The following GRB14 variants were observed in gnomAD, a reference collection of about 807,000 sequenced individuals.
The protein encoded by GRB14 is growth factor receptor-bound protein 14.
Under a neutral mutation model 69.1 loss-of-function variants are expected in GRB14, and 38 were observed. That is an observed-to-expected ratio of 0.55 (90% CI 0.42 to 0.72). The LOEUF is 0.72. GRB14 is among the 30% of genes least tolerant of loss of function. The probability of loss-of-function intolerance (pLI) is 0.00; values close to 1 mark genes in which losing one functional copy is unlikely to be tolerated. For synonymous variants in GRB14, 247 were observed against 241.3 expected, an observed-to-expected ratio of 1.02 and a Z score of -0.22; for missense variants, 666 against 666.1, an observed-to-expected ratio of 1.00 and a Z score of 0.00.
At chr2:164,596,039 G>A (rs1426266914) in intron 2 of GRB14, among the ~76,000 whole-genome samples, 1 of 152,114 alleles carries the variant, frequency 6.6e-6, no homozygotes, top group African/African-American at 2.4e-5. Flanking sequence ...CAGGAGAATC[G>A]CTTGAACCCA....
At chr2:164,514,397 G>A (rs1239710339) in intron 6 of GRB14, among the ~76,000 whole-genome samples, 1 of 152,168 alleles carries the variant, frequency 6.6e-6, no homozygotes, top group Non-Finnish European at 1.5e-5. Flanking sequence ...AGTGTGAAAA[G>A]GGGGATCGTC....
chr2:164,538,852 T>C (rs756135865), intron 3 of GRB14, among the ~76,000 whole-genome samples: 6 of 152,176 alleles, frequency 3.9e-5, no homozygotes, highest in Non-Finnish European at 1.5e-5. Context: ...TGCTATAAGG[T>C]GAACTGGGTT....
intron 13 of GRB14, among the ~76,000 whole-genome samples, chr2:164,493,998 C>T (rs909205668): frequency 1.3e-5 from 2 of 152,050 alleles, no homozygotes; most frequent in African/African-American, 2.4e-5. Flanking sequence ...AAGTCTTCAC[C>T]AGTTCCATAG....
intron 2 of GRB14, among the ~76,000 whole-genome samples, chr2:164,602,291 A>C (rs1473684556): frequency 6.6e-6 from 1 of 152,002 alleles, no homozygotes; most frequent in Non-Finnish European, 1.5e-5. Flanking sequence ...CTTTCTTTTA[A>C]CTCTTGAATG....
intron 2 of GRB14, among the ~76,000 whole-genome samples, chr2:164,574,527 T>C (rs1350768278): frequency 2.0e-5 from 3 of 152,066 alleles, no homozygotes; most frequent in Non-Finnish European, 4.4e-5. Context: ...TGAGCCACCA[T>C]GCCCAGCCAG....
intron 3 of GRB14, among the ~76,000 whole-genome samples, chr2:164,538,039 G>T (rs1688125790): frequency 6.6e-6 from 1 of 151,994 alleles, no homozygotes. Flanking sequence ...TTCCAAGCAG[G>T]AGGCTGTGAA....
chr2:164,508,624 A>G, intron 7 of GRB14, 74 bp from the exon 8 acceptor site: 1 of 1,479,106 alleles, frequency 6.8e-7, no homozygotes, highest in Non-Finnish European at 9.4e-7. Context: ...AAAAGCCACT[A>G]AAATTCTCCT....
Position 164,508,544 on chromosome 2 carries a change from T to G in GRB14, c.934A>C (p.Lys312Gln). 1 of 1,613,958 alleles carries G rather than the reference T, an allele frequency of 6.2e-7. No homozygotes were observed. Among genetic ancestry groups the G allele is most frequent in the Middle Eastern group, 1.7e-4 (1 of 6,060 alleles). ...TNYGFCFKPN[K>Q]AGGPRDLKML... ...TTCAGGTCTCGGGGCCCTCCCGCTT[T>G]GTTAGGCTAGAAGGCCACAGCACAT... Residue 312 changes from lysine to glutamine, a missense_variant, in exon 8 of 14, where the codon AAA (lysine) becomes CAA (glutamine). Coordinates refer to ENST00000263915, the MANE Select transcript of GRB14 (RefSeq NM_004490.3).
At chr2:164,552,643 T>G (rs1347545186) in intron 2 of GRB14, among the ~76,000 whole-genome samples, 5 of 152,258 alleles carry the variant, frequency 3.3e-5, no homozygotes, top group Admixed American at 2.6e-4. Context: ...ACTGTCAAAA[T>G]CAGATGCTAT....
Position 164,492,972 on chromosome 2 carries a change from G to T in GRB14, c.*64C>A. ...TGGTAATGTTTTCGCCCTTATTTAT[G>T]GTCTTTTATTATTTTTCTTGAGTCC... On this transcript the variant is annotated 3_prime_UTR_variant, in exon 14 of 14. Coordinates refer to ENST00000263915, the MANE Select transcript of GRB14 (RefSeq NM_004490.3). 7.0e-7 allele frequency: 1 copy of T among 1,436,990 alleles called. No homozygotes were observed. The highest frequency in any genetic ancestry group is 1.4e-5 in the South Asian group (1 of 72,978). 89.0% of individuals were successfully genotyped at this position (1,436,990 alleles called of 1,614,324 possible). A position where few individuals can be genotyped will look rare whatever the true frequency, so the allele number is the denominator to read the frequency against.
At chr2:164,541,299 A>G (rs921960405) in intron 3 of GRB14, among the ~76,000 whole-genome samples, 1 of 151,902 alleles carries the variant, frequency 6.6e-6, no homozygotes, top group South Asian at 2.1e-4. Flanking sequence ...TGAAACCCTG[A>G]CTCTAGTTTA....
At chr2:164,616,695 T>C (rs186348931) in intron 2 of GRB14, among the ~76,000 whole-genome samples, 183 of 152,312 alleles carry the variant, frequency 1.2e-3, no homozygotes, top group Non-Finnish European at 2.0e-3. Context: ...ATTTTTAGTC[T>C]GGATTCTCTC....
At chr2:164,508,873 CA>C in intron 6 of GRB14, 21 bp from the exon 7 acceptor site, 1 of 1,460,572 alleles carries the variant, frequency 6.8e-7, no homozygotes, top group South Asian at 1.3e-5. Context: ...AAAGTATTGA[CA>C]TGGATACATA....
At chr2:164,561,082 G>A (rs1022188261) in intron 2 of GRB14, among the ~76,000 whole-genome samples, 6 of 152,066 alleles carry the variant, frequency 3.9e-5, no homozygotes, top group African/African-American at 7.2e-5. Flanking sequence ...GTCTGAGACC[G>A]TTCATTAGCC....
intron 2 of GRB14, among the ~76,000 whole-genome samples, chr2:164,574,570 AGAAAAT>A (rs1689205147): frequency 6.6e-6 from 1 of 152,194 alleles, no homozygotes; most frequent in African/African-American, 2.4e-5. Context: ...AACATTAGAC[AGAAAAT>A]GAAATCCGCA....
At chr2:164,571,963 T>C (rs1296905294) in intron 2 of GRB14, among the ~76,000 whole-genome samples, 1 of 152,196 alleles carries the variant, frequency 6.6e-6, no homozygotes, top group Non-Finnish European at 1.5e-5. Context: ...TACCCAAGCA[T>C]TTGTTTGATT....
chr2:164,617,946 A>G (rs943415936), intron 2 of GRB14, among the ~76,000 whole-genome samples: 12 of 95,290 alleles, frequency 1.3e-4, no homozygotes, highest in Admixed American at 1.1e-3. Context: ...AGGACAAGCC[A>G]GAATCTTTTT....
chr2:164,540,181 C>T (rs1158328839), intron 3 of GRB14, among the ~76,000 whole-genome samples: 4 of 152,312 alleles, frequency 2.6e-5, no homozygotes, highest in East Asian at 1.9e-4. Flanking sequence ...CACACTGCCA[C>T]GTCCAGGCCT....
chr2:164,607,186 C>T (rs991953968), intron 2 of GRB14, among the ~76,000 whole-genome samples: 10 of 152,196 alleles, frequency 6.6e-5, no homozygotes, highest in African/African-American at 2.4e-4. Context: ...TTTCTTTACA[C>T]ATTTGATATC....
Sources: gnomAD v4.1 joint callset for allele counts (sites outside exome capture counted in the v4.1 genomes callset) on GRCh38, gnomAD v4.1.1 for gene constraint, MANE v1.5 for transcripts, NCBI Gene and HGNC (gene_info 2026-07-23, HGNC 2026-07-21) for gene names.